The following GDA variants were observed in gnomAD, a reference collection of about 807,000 sequenced individuals.
GDA encodes guanine deaminase, also known as cytoplasmic PSD-95 interactor.
In GDA, 18 loss-of-function variants were observed where a neutral mutation model predicts 59.6. That is an observed-to-expected ratio of 0.30 (90% CI 0.21 to 0.45). The LOEUF is 0.45. Among genes scored for constraint, GDA ranks in the 20% least tolerant of loss-of-function variants. GDA has a pLI of 1.00. For missense variants in GDA, 427 were observed against 552.3 expected, an observed-to-expected ratio of 0.77 and a Z score of 2.27; for synonymous variants, 201 against 201.1, an observed-to-expected ratio of 1.00 and a Z score of 0.00.
Position 72,248,597 on chromosome 9 carries a change from C to T in GDA, c.*255C>T. The T allele has an allele frequency of 8.0e-7, 1 of 1,248,740 alleles. No homozygotes were observed. The highest frequency in any genetic ancestry group is 1.0e-6 in the Non-Finnish European group (1 of 993,274). 77.4% of individuals were successfully genotyped at this position (1,248,740 alleles called of 1,614,324 possible). On this transcript the variant is annotated 3_prime_UTR_variant, in exon 14 of 14. Coordinates refer to ENST00000358399, the MANE Select transcript of GDA (RefSeq NM_004293.5). ...TGCTCAGACTTACTTTAAGCTCAAACAGAAGGGAATGCTATTACTGGTGGT... is the reference window on the plus strand; with the variant it reads ...TGCTCAGACTTACTTTAAGCTCAAATAGAAGGGAATGCTATTACTGGTGGT...
intron 1 of GDA, among the ~76,000 whole-genome samples, chr9:72,192,328 G>C (rs1449858972): frequency 1.4e-5 from 2 of 138,148 alleles, no homozygotes; most frequent in African/African-American, 5.5e-5. Flanking sequence ...CTGCCTCCCG[G>C]GTTCAAACAA....
chr9:72,196,969 G>T (rs1360788645), intron 2 of GDA, among the ~76,000 whole-genome samples: 6 of 152,158 alleles, frequency 3.9e-5, no homozygotes, highest in Non-Finnish European at 8.8e-5. Context: ...TTCAGGCCAA[G>T]TAAGTTCCAA....
At chr9:72,118,364 T>C (rs190956341) in intron 1 of GDA, among the ~76,000 whole-genome samples, 1 of 148,504 alleles carries the variant, frequency 6.7e-6, no homozygotes, top group East Asian at 2.0e-4. Flanking sequence ...AACCACTAAA[T>C]ACCTTGATAA....
rs768232139 is a variant in GDA, at chr9:72,149,722, AGG to A, written c.123+41_123+42del. The A allele has an allele frequency of 1.7e-5, 27 of 1,558,678 alleles. 1 individual carries two copies. The highest frequency in any genetic ancestry group is 2.4e-5 in the South Asian group (2 of 85,068). On this transcript the variant is annotated intron_variant, in intron 1 of 13. Transcript: ENST00000358399. ...GGTCGAGCGCACTCCGACGGGCGGG[AGG>A]ATAGGTGCAAGGAACCTGGCGCGGT...
At position 72,250,856 on chromosome 9, in the gene GDA, A is replaced by G; in HGVS notation, c.*2514A>G. 1.2e-6 allele frequency: 2 copies of G among 1,603,048 alleles called. No homozygotes were observed. Among genetic ancestry groups the G allele is most frequent in the Non-Finnish European group, 1.7e-6 (2 of 1,172,338 alleles). On this transcript the variant is annotated 3_prime_UTR_variant, in exon 14 of 14. Coordinates refer to ENST00000358399, the MANE Select transcript of GDA (RefSeq NM_004293.5). ...CACTTTGAAAGGTAAAAACAATTCA[A>G]AAGTATCGATTATCATAAATTCACA... is the stretch of plus-strand genomic sequence containing the variant.
intron 1 of GDA, among the ~76,000 whole-genome samples, chr9:72,133,300 A>AAAAAG (rs1554722399): frequency 4.3e-5 from 6 of 138,072 alleles, no homozygotes; most frequent in African/African-American, 1.6e-4. Context: ...AAAAAAAAAA[A>AAAAAG]AAAAAAAAAA....
At chr9:72,214,332 G>A (rs1348318568) in intron 5 of GDA, among the ~76,000 whole-genome samples, 1 of 150,752 alleles carries the variant, frequency 6.6e-6, no homozygotes, top group Non-Finnish European at 1.5e-5. Context: ...AGGCTGGAGT[G>A]CAATGGCGTG....
At chr9:72,198,403 G>A (rs559847599) in intron 2 of GDA, among the ~76,000 whole-genome samples, 44 of 152,106 alleles carry the variant, frequency 2.9e-4, no homozygotes, top group African/African-American at 1.0e-3. Context: ...GCCGGGCATG[G>A]TGGTGGGCCC....
At chr9:72,179,336 G>T (rs1830898726) in intron 1 of GDA, among the ~76,000 whole-genome samples, 1 of 152,210 alleles carries the variant, frequency 6.6e-6, no homozygotes, top group Non-Finnish European at 1.5e-5. Flanking sequence ...CAGTTCACTG[G>T]AGTGTTTGGC....
chr9:72,174,821 G>A (rs1382596218), intron 1 of GDA, among the ~76,000 whole-genome samples: 1 of 151,996 alleles, frequency 6.6e-6, no homozygotes, highest in Non-Finnish European at 1.5e-5. Flanking sequence ...GACAGAGTGG[G>A]GATGGGGAAT....
intron 1 of GDA, among the ~76,000 whole-genome samples, chr9:72,185,723 C>A (rs976234218): frequency 1.4e-4 from 22 of 152,290 alleles, no homozygotes; most frequent in African/African-American, 4.8e-4. Flanking sequence ...TTACTTTGTT[C>A]CATAGCAACA....
rs990993559 is a variant in GDA, at chr9:72,137,777, C to G, written c.-100+22944C>G. ...TAGATGCCAGTCATAACCCACCCCC[C>G]CACCTTCAACTGTTACAACCAAAAT... On this transcript the variant is annotated intron_variant, in intron 1 of 13. Coordinates refer to the GDA transcript ENST00000545168. 2.0e-5 allele frequency among the ~76,000 whole-genome samples: 3 copies of G among 152,130 alleles called. No individual in the cohort carries two copies. In the East Asian group the frequency reaches 5.8e-4, roughly 29 times the overall value.
chr9:72,209,061 C>T (rs1031039213), intron 3 of GDA, among the ~76,000 whole-genome samples: 1 of 149,266 alleles, frequency 6.7e-6, no homozygotes, highest in Non-Finnish European at 1.5e-5. Flanking sequence ...AATCCAATGT[C>T]GTTGTGAGTC....
At chr9:72,125,430 A>T (rs1489437311) in intron 1 of GDA, among the ~76,000 whole-genome samples, 1 of 149,568 alleles carries the variant, frequency 6.7e-6, no homozygotes, top group Admixed American at 6.7e-5. Context: ...ATCACGACAC[A>T]CTGCAACCTT....
chr9:72,192,578 A>G (rs149898236), intron 1 of GDA, among the ~76,000 whole-genome samples: 3 of 150,686 alleles, frequency 2.0e-5, no homozygotes, highest in East Asian at 4.0e-4. Context: ...TGCTTGATCA[A>G]TTCTACTATT....
chr9:72,213,652 A>C (rs567249710), intron 4 of GDA, among the ~76,000 whole-genome samples: 1 of 150,348 alleles, frequency 6.7e-6, no homozygotes, highest in African/African-American at 2.5e-5. Flanking sequence ...AAATACAAAA[A>C]ATTAGCCGGG....
At chr9:72,133,144 G>A (rs1826082730) in intron 1 of GDA, among the ~76,000 whole-genome samples, 1 of 151,532 alleles carries the variant, frequency 6.6e-6, no homozygotes, top group Non-Finnish European at 1.5e-5. Flanking sequence ...AAAAAAATTA[G>A]CCAGCCATGG....
chr9:72,195,209 C>T (rs1193058660), intron 1 of GDA, among the ~76,000 whole-genome samples: 1 of 152,144 alleles, frequency 6.6e-6, no homozygotes, highest in Non-Finnish European at 1.5e-5. Flanking sequence ...TGCTCCGCCT[C>T]TCCAATTAGC....
chr9:72,165,181 C>G (rs1829144241), intron 1 of GDA, among the ~76,000 whole-genome samples: 2 of 152,110 alleles, frequency 1.3e-5, no homozygotes, highest in Admixed American at 1.3e-4. Context: ...TAACTTCTTT[C>G]CAAGGACGTT....
Sources: gnomAD v4.1 joint callset for allele counts (sites outside exome capture counted in the v4.1 genomes callset) on GRCh38, gnomAD v4.1.1 for gene constraint, MANE v1.5 for transcripts, NCBI Gene and HGNC (gene_info 2026-07-23, HGNC 2026-07-21) for gene names.